FAM107B: variants seen among roughly 807,000 people sequenced by gnomAD.
The protein encoded by FAM107B is protein FAM107B.
Under a neutral mutation model 31.5 loss-of-function variants are expected in FAM107B, and 21 were observed. That is an observed-to-expected ratio of 0.67 (90% CI 0.47 to 0.96). The LOEUF (loss-of-function observed/expected upper bound fraction) is 0.96, where lower values mean the gene tolerates loss of function less well. Ranked by LOEUF, FAM107B falls within the 40% of genes least tolerant of loss-of-function variation. The pLI is 0.00. For synonymous variants in FAM107B, 157 were observed against 141.5 expected (o/e 1.11, Z -0.78); for missense variants, 452 against 377.1 (o/e 1.20, Z -1.64).
chr10:14,533,402 G>A (rs1004467979), intron 2 of FAM107B, among the ~76,000 whole-genome samples: 6 of 152,164 alleles, frequency 3.9e-5, no homozygotes, highest in South Asian at 2.1e-4. Flanking sequence ...TTGCCATGAC[G>A]GGAGGCTGAA....
chr10:14,582,490 C>T (rs1484861176), intron 2 of FAM107B, among the ~76,000 whole-genome samples: 1 of 148,754 alleles, frequency 6.7e-6, no homozygotes, highest in Admixed American at 6.8e-5. Flanking sequence ...AATTCTCCTG[C>T]CTCAGCCTCC....
intron 1 of FAM107B, among the ~76,000 whole-genome samples, chr10:14,717,845 A>T (rs1295376323): frequency 6.6e-6 from 1 of 152,108 alleles, no homozygotes; most frequent in Non-Finnish European, 1.5e-5. Flanking sequence ...CACCCTCTCA[A>T]CTATCTCAGA....
intron 2 of FAM107B, among the ~76,000 whole-genome samples, chr10:14,540,059 G>C (rs1848025700): frequency 6.6e-6 from 1 of 152,236 alleles, no homozygotes; most frequent in South Asian, 2.1e-4. Flanking sequence ...CCACTCTGCA[G>C]CTCTGGGTGT....
At chr10:14,702,513 C>CT (rs572673838) in intron 1 of FAM107B, among the ~76,000 whole-genome samples, 1 of 152,020 alleles carries the variant, frequency 6.6e-6, no homozygotes, top group African/African-American at 2.4e-5. Flanking sequence ...CACCCAAATA[C>CT]TTTTTTTGTA....
At chr10:14,634,240 C>CA (rs75049853) in intron 2 of FAM107B, among the ~76,000 whole-genome samples, 6,174 of 148,194 alleles carry the variant, frequency 0.042, 188 homozygotes, top group African/African-American at 0.087. Context: ...ACTAAAATTA[C>CA]AAAAAAAAAA....
At chr10:14,522,577 G>A (rs1424464244) in intron 3 of FAM107B, among the ~76,000 whole-genome samples, 3 of 152,014 alleles carry the variant, frequency 2.0e-5, no homozygotes, top group Non-Finnish European at 2.9e-5. Context: ...CACCACGCCC[G>A]GCTAATTTTT....
chr10:14,588,503 CCT>C (rs1432273562), intron 2 of FAM107B, among the ~76,000 whole-genome samples: 2 of 152,164 alleles, frequency 1.3e-5, no homozygotes, highest in East Asian at 1.9e-4. Context: ...CCCATTCTCC[CCT>C]CTCTGTAAGC....
chr10:14,583,865 G>A (rs1851737909), intron 2 of FAM107B, among the ~76,000 whole-genome samples: 1 of 152,054 alleles, frequency 6.6e-6, no homozygotes, highest in Admixed American at 6.6e-5. Context: ...CAGGATCCAG[G>A]GCCTGGGACA....
At chr10:14,574,710 A>AT (rs1210204610) in intron 2 of FAM107B, among the ~76,000 whole-genome samples, 1 of 152,274 alleles carries the variant, frequency 6.6e-6, no homozygotes, top group Non-Finnish European at 1.5e-5. Context: ...TACTGTTAGT[A>AT]TGAAGGGTAG....
chr10:14,643,476 C>A (rs1237138935), intron 2 of FAM107B, among the ~76,000 whole-genome samples: 1 of 149,074 alleles, frequency 6.7e-6, no homozygotes, highest in Non-Finnish European at 1.5e-5. Flanking sequence ...GTAATGTGAT[C>A]TCGGTTCACT....
chr10:14,686,071 C>T (rs990712688), intron 1 of FAM107B, among the ~76,000 whole-genome samples: 5 of 152,152 alleles, frequency 3.3e-5, no homozygotes, highest in Admixed American at 2.6e-4. Context: ...CTGCCCTTGA[C>T]ACGTGGGGAT....
intron 2 of FAM107B, among the ~76,000 whole-genome samples, chr10:14,634,514 A>G (rs1853447558): frequency 6.6e-6 from 1 of 152,200 alleles, no homozygotes; most frequent in South Asian, 2.1e-4. Flanking sequence ...ATGGGAATCA[A>G]TAGAGGGAAA....
At chr10:14,722,364 T>A (rs568908574) in intron 1 of FAM107B, among the ~76,000 whole-genome samples, 3 of 152,250 alleles carry the variant, frequency 2.0e-5, no homozygotes, top group Non-Finnish European at 4.4e-5. Context: ...GTAGCCTACA[T>A]CTGTACTTCA....
chr10:14,520,210 C>T lies in FAM107B; in HGVS notation c.*980G>A, dbSNP rs1033860847. On this transcript the variant is annotated 3_prime_UTR_variant, in exon 5 of 5. Transcript: ENST00000181796. ...AATGCTATACATCTTCTGATGAAGC[C>T]TCCTTGACAGCAGTCTACACTTATT... 1 of 152,244 alleles carries T rather than the reference C, an allele frequency of 6.6e-6. No individual in the cohort carries two copies. Among genetic ancestry groups the T allele is most frequent in the Non-Finnish European group, 1.5e-5 (1 of 68,030 alleles). The allele number at this position is 152,244 out of a possible 1,614,324, so 9.4% of individuals were successfully genotyped here. A position where few individuals can be genotyped will look rare whatever the true frequency, so the allele number is the denominator to read the frequency against.
rs1218139626 is a variant in FAM107B at position 14,767,043 on chromosome 10, TATATATATATATAGAGAGAG to T, written c.411+7190_411+7209del. On this transcript the variant is annotated intron_variant, in intron 1 of 4. Transcript: ENST00000181796. The stretch of plus-strand genomic sequence containing the variant: ...GTGTATGTATATATATATATATATA[TATATATATATATAGAGAGAG>T]AGAGAGAGAGAGAGAGAGAGAGAGA... 6.3e-3 allele frequency among the ~76,000 whole-genome samples: 237 copies of T among 37,914 alleles called. 5 individuals carry two copies. The East Asian group carries it at 0.14, about 22-fold the overall frequency. 24.9% of individuals were successfully genotyped at this position (37,914 alleles called of 152,430 possible).
intron 1 of FAM107B, among the ~76,000 whole-genome samples, chr10:14,767,740 T>C (rs1027086944): frequency 2.6e-5 from 4 of 152,200 alleles, no homozygotes; most frequent in African/African-American, 9.7e-5. Flanking sequence ...GACTGAAAGC[T>C]TTTACTCTGA....
intron 1 of FAM107B, among the ~76,000 whole-genome samples, chr10:14,768,761 G>A (rs763010976): frequency 3.3e-5 from 5 of 151,996 alleles, no homozygotes; most frequent in South Asian, 4.1e-4. Context: ...TTATCATTTC[G>A]CTTTACTGGT....
intron 2 of FAM107B, among the ~76,000 whole-genome samples, chr10:14,606,604 A>G (rs1275543184): frequency 6.6e-6 from 1 of 152,202 alleles, no homozygotes; most frequent in Non-Finnish European, 1.5e-5. Flanking sequence ...AGGTTAAACA[A>G]GGTCATAAGG....
At chr10:14,600,004 A>G (rs1852331057) in intron 2 of FAM107B, among the ~76,000 whole-genome samples, 2 of 152,338 alleles carry the variant, frequency 1.3e-5, no homozygotes, top group South Asian at 4.1e-4. Context: ...CTGGTGTCAA[A>G]GCAACATTAC....
Sources: gnomAD v4.1 joint callset for allele counts (sites outside exome capture counted in the v4.1 genomes callset) on GRCh38, gnomAD v4.1.1 for gene constraint, MANE v1.5 for transcripts, NCBI Gene and HGNC (gene_info 2026-07-23, HGNC 2026-07-21) for gene names.